The following CTTNBP2 variants were observed in gnomAD, a reference collection of about 807,000 sequenced individuals.
CTTNBP2 encodes the protein cortactin-binding protein 2.
In CTTNBP2, 108 loss-of-function variants were observed where a neutral mutation model predicts 156.9. The observed-to-expected ratio is 0.69, with a 90% CI of 0.59 to 0.81. The LOEUF is 0.81. Ranked by LOEUF, CTTNBP2 falls within the 30% of genes least tolerant of loss-of-function variation. The pLI is 0.00. For synonymous variants in CTTNBP2, 767 were observed against 751.8 expected, an observed-to-expected ratio of 1.02 and a Z score of -0.33; for missense variants, 1,924 against 2,035.4, an observed-to-expected ratio of 0.95 and a Z score of 1.05.
chr7:117,754,927 T>G (rs760245219), intron 12 of CTTNBP2, among the ~76,000 whole-genome samples: 3 of 152,236 alleles, frequency 2.0e-5, no homozygotes, highest in Admixed American at 2.0e-4. Context: ...TTTATCATCT[T>G]AATGGATGAA....
chr7:117,859,714 A>G (rs2117238342), intron 2 of CTTNBP2, among the ~76,000 whole-genome samples: 1 of 152,334 alleles, frequency 6.6e-6, no homozygotes, highest in Non-Finnish European at 1.5e-5. Flanking sequence ...TCAATGTGGA[A>G]TAGGATGAAT....
chr7:117,827,001 G>A (rs1801328823), intron 2 of CTTNBP2, among the ~76,000 whole-genome samples: 1 of 151,970 alleles, frequency 6.6e-6, no homozygotes, highest in African/African-American at 2.4e-5. Context: ...TGGGATTGCA[G>A]GAGCATGCCA....
intron 14 of CTTNBP2, among the ~76,000 whole-genome samples, chr7:117,736,117 CT>C (rs1434578450): frequency 6.6e-6 from 1 of 151,984 alleles, no homozygotes; most frequent in African/African-American, 2.4e-5. Flanking sequence ...GTTAAAAGCC[CT>C]TAAATGACCT....
intron 15 of CTTNBP2, 33 bp downstream of exon 15, chr7:117,735,236 T>G (rs765693899): frequency 1.2e-6 from 2 of 1,603,130 alleles, no homozygotes; most frequent in East Asian, 4.5e-5. Context: ...TACAGAAGCT[T>G]GCTTCTCAGC....
chr7:117,785,142 C>A (rs1359008807), intron 4 of CTTNBP2, among the ~76,000 whole-genome samples: 1 of 152,160 alleles, frequency 6.6e-6, no homozygotes, highest in Non-Finnish European at 1.5e-5. Flanking sequence ...TATCATCTGG[C>A]CACCTTTACA....
At chr7:117,730,567 T>C (rs1795345629) in intron 16 of CTTNBP2, among the ~76,000 whole-genome samples, 1 of 152,198 alleles carries the variant, frequency 6.6e-6, no homozygotes, top group Non-Finnish European at 1.5e-5. Context: ...AGGTTACAGA[T>C]TCAAATACAA....
chr7:117,728,333 A>G lies in CTTNBP2; in HGVS notation c.3877-66T>C, dbSNP rs551784373. The G allele has an allele frequency of 1.7e-6, 2 of 1,153,530 alleles. 1 individual carries two copies. The highest frequency in any genetic ancestry group is 3.0e-5 in the South Asian group (2 of 67,432). The allele number at this position is 1,153,530 out of a possible 1,614,324, so 71.5% of individuals were successfully genotyped here. A position where few individuals can be genotyped will look rare whatever the true frequency, so the allele number is the denominator to read the frequency against. On this transcript the variant is annotated intron_variant, in intron 16 of 22. Coordinates refer to ENST00000160373, the MANE Select transcript of CTTNBP2 (RefSeq NM_033427.3). ...AACATTTTGTTTTTAGAAGCCCAAAATTAAAAATATAAAACTTTAAATCAA... is the reference window on the plus strand; with the variant it reads ...AACATTTTGTTTTTAGAAGCCCAAAGTTAAAAATATAAAACTTTAAATCAA...
intron 2 of CTTNBP2, among the ~76,000 whole-genome samples, chr7:117,844,627 A>C (rs540021501): frequency 1.3e-5 from 2 of 152,322 alleles, no homozygotes; most frequent in East Asian, 3.9e-4. Flanking sequence ...AATAGGGCAA[A>C]AGGAAACAAT....
intron 4 of CTTNBP2, 84 bp from the exon 5 acceptor site, chr7:117,784,538 CACAAACATATGAACATGT>C (rs1271515589): frequency 1.1e-6 from 1 of 930,042 alleles, no homozygotes; most frequent in African/African-American, 1.7e-5. Context: ...ATTACACACA[CACAAACATATGAACATGT>C]GTCCCTAGAG....
At chr7:117,798,927 A>C (rs1422946034) in intron 3 of CTTNBP2, among the ~76,000 whole-genome samples, 2 of 151,956 alleles carry the variant, frequency 1.3e-5, no homozygotes, top group East Asian at 3.8e-4. Flanking sequence ...TTGTGCCAAT[A>C]AGTTCAATAA....
At chr7:117,834,696 A>G (rs1470994936) in intron 2 of CTTNBP2, among the ~76,000 whole-genome samples, 1 of 152,250 alleles carries the variant, frequency 6.6e-6, no homozygotes, top group Non-Finnish European at 1.5e-5. Context: ...TGATAAATGA[A>G]CACACTTTAC....
At chr7:117,870,621 C>T (rs1804524715) in intron 1 of CTTNBP2, among the ~76,000 whole-genome samples, 1 of 152,146 alleles carries the variant, frequency 6.6e-6, no homozygotes, top group African/African-American at 2.4e-5. Flanking sequence ...AAAAAGATCT[C>T]CATTTTCCTT....
intron 8 of CTTNBP2, among the ~76,000 whole-genome samples, chr7:117,772,600 T>A (rs992417530): frequency 1.3e-5 from 2 of 152,160 alleles, no homozygotes; most frequent in African/African-American, 4.8e-5. Flanking sequence ...ATAATTACAC[T>A]GGGATGACAG....
intron 2 of CTTNBP2, among the ~76,000 whole-genome samples, chr7:117,841,505 T>G (rs187495307): frequency 1.0e-3 from 153 of 151,596 alleles, no homozygotes; most frequent in African/African-American, 3.3e-3. Flanking sequence ...GGATGAAGAG[T>G]CCTCTCTCTA....
chr7:117,719,026 G>T (rs1013865075), intron 21 of CTTNBP2, among the ~76,000 whole-genome samples: 3 of 152,054 alleles, frequency 2.0e-5, no homozygotes, highest in Non-Finnish European at 4.4e-5. Context: ...GCGAAACCCT[G>T]TCTCTACTAA....
At chr7:117,788,246 A>G (rs1267566446) in intron 4 of CTTNBP2, among the ~76,000 whole-genome samples, 1 of 152,204 alleles carries the variant, frequency 6.6e-6, no homozygotes, top group Non-Finnish European at 1.5e-5. Context: ...ATGTGCTTGG[A>G]TTACAGGTAT....
intron 2 of CTTNBP2, among the ~76,000 whole-genome samples, chr7:117,860,647 T>C (rs1486240404): frequency 6.6e-6 from 1 of 152,170 alleles, no homozygotes; most frequent in Non-Finnish European, 1.5e-5. Context: ...GAAAATTTTA[T>C]TGAGACATTT....
intron 4 of CTTNBP2, among the ~76,000 whole-genome samples, chr7:117,789,150 A>G (rs1798858938): frequency 6.6e-6 from 1 of 152,156 alleles, no homozygotes. Context: ...AAAAGTTAAC[A>G]GATTTTAATC....
At chr7:117,774,001 C>G (rs1000810643) in intron 8 of CTTNBP2, among the ~76,000 whole-genome samples, 1 of 152,158 alleles carries the variant, frequency 6.6e-6, no homozygotes, top group Non-Finnish European at 1.5e-5. Flanking sequence ...CTGCACAAAT[C>G]CAGGCAATCT....
Sources: allele counts gnomAD v4.1 joint callset (sites outside exome capture counted in the v4.1 genomes callset), GRCh38; gene constraint gnomAD v4.1.1; transcripts MANE v1.5; gene names NCBI Gene and HGNC (gene_info 2026-07-23, HGNC 2026-07-21).